Variants in ARHGAP15 observed in about 807,000 individuals in gnomAD.
The protein encoded by ARHGAP15 is Rho GTPase activating protein 15.
Under a neutral mutation model 63.7 loss-of-function variants are expected in ARHGAP15, and 51 were observed. That is an observed-to-expected ratio of 0.80 (90% CI 0.64 to 1.01). The LOEUF is 1.01. Ranked by LOEUF, ARHGAP15 falls within the 50% of genes least tolerant of loss-of-function variation. The pLI, the probability that ARHGAP15 is intolerant of heterozygous loss-of-function variation, is 0.00. For synonymous variants in ARHGAP15, 191 were observed against 193.8 expected, an observed-to-expected ratio of 0.99 and a Z score of 0.12; for missense variants, 560 against 564.6, an observed-to-expected ratio of 0.99 and a Z score of 0.08.
chr2:143,464,151 G>C (rs993399061), intron 8 of ARHGAP15, among the ~76,000 whole-genome samples: 13 of 152,238 alleles, frequency 8.5e-5, no homozygotes, highest in African/African-American at 3.1e-4. Context: ...CACTCATTTA[G>C]CTTTGAATTG....
intron 11 of ARHGAP15, among the ~76,000 whole-genome samples, chr2:143,572,825 C>G (rs1279760141): frequency 6.6e-6 from 1 of 151,988 alleles, no homozygotes; most frequent in East Asian, 1.9e-4. Flanking sequence ...GGAATCCCTC[C>G]TAAATAAAAA....
chr2:143,254,429 A>T (rs1260313658), intron 6 of ARHGAP15, among the ~76,000 whole-genome samples: 1 of 151,512 alleles, frequency 6.6e-6, no homozygotes, highest in Non-Finnish European at 1.5e-5. Context: ...AAAAAAAAAA[A>T]CTCTTATATC....
At chr2:143,243,531 A>T (rs1210320015) in intron 5 of ARHGAP15, among the ~76,000 whole-genome samples, 1 of 152,116 alleles carries the variant, frequency 6.6e-6, no homozygotes, top group African/African-American at 2.4e-5. Context: ...GTCATTTTTT[A>T]AAAAGTGTAT....
chr2:143,303,089 G>A lies in ARHGAP15; in HGVS notation c.474+52489G>A, dbSNP rs756824432. On this transcript the variant is annotated intron_variant, in intron 6 of 13. Transcript: ENST00000295095. Reference sequence around the variant, plus strand: ...AGAAAACCTAGGCAATACCATTCAGGATGTAGGCATGGGCAAAGACTTCAT... The same window carrying A: ...AGAAAACCTAGGCAATACCATTCAGAATGTAGGCATGGGCAAAGACTTCAT... Among the ~76,000 whole-genome samples, 3 of 152,078 alleles carry A rather than the reference G, an allele frequency of 2.0e-5. No homozygotes were observed. The East Asian group carries it at 5.8e-4, about 29-fold the overall frequency.
At chr2:143,739,932 C>T (rs907665437) in intron 13 of ARHGAP15, among the ~76,000 whole-genome samples, 4 of 152,186 alleles carry the variant, frequency 2.6e-5, no homozygotes, top group African/African-American at 9.7e-5. Context: ...TCCATTTGGT[C>T]TCCAACTTCC....
At chr2:143,679,604 T>G (rs773065290) in intron 12 of ARHGAP15, among the ~76,000 whole-genome samples, 1 of 152,086 alleles carries the variant, frequency 6.6e-6, no homozygotes, top group Non-Finnish European at 1.5e-5. Context: ...TCCAACTCTG[T>G]CCTTTTTTAT....
chr2:143,240,375 A>C (rs1693820090), intron 5 of ARHGAP15, among the ~76,000 whole-genome samples: 1 of 152,190 alleles, frequency 6.6e-6, no homozygotes, highest in Non-Finnish European at 1.5e-5. Context: ...TAGCAAAAAG[A>C]TGAAAATAGT....
chr2:143,351,715 C>T (rs1020124953), intron 6 of ARHGAP15, among the ~76,000 whole-genome samples: 1 of 152,110 alleles, frequency 6.6e-6, no homozygotes, highest in Admixed American at 6.5e-5. Context: ...GAAGATTCCC[C>T]ATTTTTCAAT....
chr2:143,627,635 C>T (rs1014514294), intron 12 of ARHGAP15, among the ~76,000 whole-genome samples: 12 of 152,174 alleles, frequency 7.9e-5, no homozygotes, highest in African/African-American at 2.4e-4. Context: ...CAGATCCACT[C>T]GCGAGTTTTC....
intron 6 of ARHGAP15, among the ~76,000 whole-genome samples, chr2:143,426,413 G>A (rs1256386135): frequency 5.3e-5 from 8 of 152,178 alleles, no homozygotes; most frequent in African/African-American, 9.6e-5. Flanking sequence ...GAGACCTACA[G>A]AAGTTGTGAG....
chr2:143,523,296 C>G (rs999176951), intron 10 of ARHGAP15, among the ~76,000 whole-genome samples: 3 of 151,922 alleles, frequency 2.0e-5, no homozygotes, highest in African/African-American at 7.3e-5. Flanking sequence ...AAGAACAGAC[C>G]CTACAAGACA....
rs147955161 is a variant in ARHGAP15 at position 143,643,191 on chromosome 2, G to A, written c.1138+18924G>A. On this transcript the variant is annotated intron_variant, in intron 12 of 13. Transcript: ENST00000295095. The stretch of plus-strand genomic sequence containing the variant: ...GAAGATAATGTGGTGGTAATTGTCA[G>A]GATATGTTTAAGAGGGGAAGGGAAG... 1.4e-4 allele frequency among the ~76,000 whole-genome samples: 22 copies of A among 152,152 alleles called. No homozygotes were observed. In the East Asian group the frequency reaches 4.3e-3, roughly 29 times the overall value.
chr2:143,409,734 T>C (rs922417663), intron 6 of ARHGAP15, among the ~76,000 whole-genome samples: 1 of 152,120 alleles, frequency 6.6e-6, no homozygotes, highest in Non-Finnish European at 1.5e-5. Flanking sequence ...TATGCTACAA[T>C]TGCCTGTAGT....
chr2:143,309,951 G>A (rs1355085988), intron 6 of ARHGAP15, among the ~76,000 whole-genome samples: 1 of 151,276 alleles, frequency 6.6e-6, no homozygotes, highest in Non-Finnish European at 1.5e-5. Flanking sequence ...TGCTTTTATT[G>A]TACTTTGAAT....
At chr2:143,212,793 C>A (rs1348114175) in intron 3 of ARHGAP15, among the ~76,000 whole-genome samples, 1 of 152,186 alleles carries the variant, frequency 6.6e-6, no homozygotes, top group Non-Finnish European at 1.5e-5. Context: ...TCTTTCGGCA[C>A]ACTATGAGGC....
intron 6 of ARHGAP15, among the ~76,000 whole-genome samples, chr2:143,277,305 T>TAAAGAAACA (rs1250805267): frequency 1.3e-5 from 2 of 152,078 alleles, no homozygotes; most frequent in African/African-American, 4.8e-5. Context: ...GTTTCTTATT[T>TAAAGAAACA]CTTTAGTGTA....
At chr2:143,401,297 T>C (rs1687976926) in intron 6 of ARHGAP15, among the ~76,000 whole-genome samples, 3 of 151,992 alleles carry the variant, frequency 2.0e-5, no homozygotes, top group South Asian at 2.1e-4. Flanking sequence ...TTTAAATATA[T>C]TACTTGCAAA....
At chr2:143,157,732 C>A (rs570545147) in intron 2 of ARHGAP15, among the ~76,000 whole-genome samples, 43 of 151,066 alleles carry the variant, frequency 2.8e-4, no homozygotes, top group Non-Finnish European at 4.9e-4. Context: ...TTTTTCCATG[C>A]ACAATTTTCT....
rs959598684 is a variant in ARHGAP15 at position 143,289,604 on chromosome 2, C to T, written c.474+39004C>T. ...AGGCTGGAGAGATTCAAAGCTTCTTCCTGCTTATCCCACCCAGATGTGCCC... is the reference window on the plus strand; with the variant it reads ...AGGCTGGAGAGATTCAAAGCTTCTTTCTGCTTATCCCACCCAGATGTGCCC... On this transcript the variant is annotated intron_variant, in intron 6 of 13. Transcript: ENST00000295095. Among the ~76,000 whole-genome samples the T allele has an allele frequency of 2.6e-5, 4 of 152,168 alleles. No individual in the cohort carries two copies. The East Asian group carries it at 7.7e-4, about 29-fold the overall frequency.
Sources: allele counts gnomAD v4.1 joint callset (sites outside exome capture counted in the v4.1 genomes callset), GRCh38; gene constraint gnomAD v4.1.1; transcripts MANE v1.5; gene names NCBI Gene and HGNC (gene_info 2026-07-23, HGNC 2026-07-21).